MCF2L: variants seen among roughly 807,000 people sequenced by gnomAD.
MCF2L encodes MCF.2 cell line derived transforming sequence like.
Under a neutral mutation model 153.4 loss-of-function variants are expected in MCF2L, and 97 were observed. The ratio of observed to expected loss-of-function variants is 0.63; its 90% CI spans 0.54 to 0.75. MCF2L has a LOEUF of 0.75. Ranked by LOEUF, MCF2L falls within the 30% of genes least tolerant of loss-of-function variation. The probability of loss-of-function intolerance (pLI) is 0.00; values close to 1 mark genes in which losing one functional copy is unlikely to be tolerated. For missense variants in MCF2L, 1,347 were observed against 1,495.2 expected, an observed-to-expected ratio of 0.90 and a Z score of 1.64; for synonymous variants, 659 against 632.2, an observed-to-expected ratio of 1.04 and a Z score of -0.64.
chr13:113,050,255 T>C (rs1012412449), intron 4 of MCF2L, among the ~76,000 whole-genome samples: 1 of 139,874 alleles, frequency 7.1e-6, no homozygotes, highest in Non-Finnish European at 1.5e-5. Context: ...CGAGTGGGAG[T>C]GTAAGTGAAT....
At chr13:113,050,276 CTG>C (rs1555375352) in intron 4 of MCF2L, among the ~76,000 whole-genome samples, 3 of 149,392 alleles carry the variant, frequency 2.0e-5, no homozygotes, top group East Asian at 2.0e-4. Context: ...GTGTGTGAGA[CTG>C]TGAGTGTGAG....
intron 1 of MCF2L, among the ~76,000 whole-genome samples, chr13:113,010,688 T>A (rs2084036200): frequency 6.6e-6 from 1 of 151,602 alleles, no homozygotes; most frequent in Non-Finnish European, 1.5e-5. Context: ...GGGCCTCAGA[T>A]GTGAGGCCCT....
In MCF2L at chr13:113,076,019, C is replaced by A. The variant is rs1424591032; in HGVS notation, c.1362C>A (p.Asp454Glu). The A allele has an allele frequency of 1.9e-6, 3 of 1,613,720 alleles. No homozygotes were observed. The highest frequency in any genetic ancestry group is 2.5e-6 in the Non-Finnish European group (3 of 1,179,908). Residue 454 changes from aspartate to glutamate, a missense_variant, in exon 12 of 30, where the codon GAC (aspartate) becomes GAA (glutamate). By Grantham distance (45) the Asp-to-Glu change is conservative (BLOSUM62 2). Transcript: ENST00000535094. Reference sequence around the variant, plus strand: ...ACCTGCTGGCCTCACAACCTGTGGACAAGTGCCAGTCCCAGGACGGCGCGG... The same window carrying A: ...ACCTGCTGGCCTCACAACCTGTGGAAAAGTGCCAGTCCCAGGACGGCGCGG... ...GIYLLASQPV[D>E]KCQSQDGAEA... is the part of the protein sequence containing the mutation.
intron 27 of MCF2L, chr13:113,095,741 C>T (rs1001762395): frequency 3.0e-5 from 30 of 995,454 alleles, no homozygotes; most frequent in East Asian, 1.1e-4. Context: ...GCCCACCACA[C>T]GCAGCACCAG....
upstream of MCF2L, among the ~76,000 whole-genome samples, chr13:112,966,747 G>A (rs149359178): frequency 1.1e-4 from 16 of 152,364 alleles, no homozygotes; most frequent in Admixed American, 2.0e-4. This position sits in a 1 kb window ranked among gnomAD's most constrained non-coding sequence, Gnocchi z 4.1. Flanking sequence ...TCGGAGAAGC[G>A]GGACAGGCCA....
chr13:112,990,971 C>T (rs1168195107), intron 1 of MCF2L, among the ~76,000 whole-genome samples: 2 of 152,266 alleles, frequency 1.3e-5, no homozygotes, highest in Non-Finnish European at 2.9e-5. Context: ...TGACAGTAAA[C>T]TAGGTGTTTG....
Position 113,086,019 on chromosome 13 carries a change from G to A in MCF2L, c.2248-105G>A, listed in dbSNP as rs553804410. ...GGGCAGCTCCCCACAGACCAGGGGA[G>A]GGTGAGCAGCATCCCTACCTCGTGC... On this transcript the variant is annotated intron_variant, in intron 20 of 29. Transcript: ENST00000535094. 25 of 1,243,130 alleles carry A rather than the reference G, an allele frequency of 2.0e-5. No homozygotes were observed. In the African/African-American group the frequency reaches 3.7e-4, roughly 19 times the overall value. 77.0% of individuals were successfully genotyped at this position (1,243,130 alleles called of 1,614,324 possible).
chr13:113,006,309 A>T (rs1209172227), intron 1 of MCF2L, among the ~76,000 whole-genome samples: 1 of 152,204 alleles, frequency 6.6e-6, no homozygotes, highest in Non-Finnish European at 1.5e-5. Flanking sequence ...GCTGAGCCTG[A>T]CCTTGAATTC....
Position 113,064,693 on chromosome 13 carries a change from G to A in MCF2L, c.607-243G>A, listed in dbSNP as rs549701605. On this transcript the variant is annotated intron_variant, in intron 6 of 29. Coordinates refer to ENST00000535094, the MANE Select transcript of MCF2L (RefSeq NM_001112732.3). This position sits in a 1 kb window ranked among gnomAD's most constrained non-coding sequence, Gnocchi z 6.0. The stretch of plus-strand genomic sequence containing the variant: ...GTTTGCAACACTCACTGCTCTCAAC[G>A]GGGAGAGGCAGCGCAGGCACAGGCG... 2.0e-5 allele frequency: 12 copies of A among 594,784 alleles called. No homozygotes were observed. Among genetic ancestry groups the A allele is most frequent in the East Asian group, 1.1e-4 (4 of 35,810 alleles). 36.8% of individuals were successfully genotyped at this position (594,784 alleles called of 1,614,324 possible).
rs762430146 is a variant in MCF2L, at chr13:113,088,626, C to A, written c.2832C>A (p.Thr944=). The change falls in exon 25 of 30, where the codon ACC becomes ACA. Residue 944 remains threonine (T), a splice_region_variant and synonymous_variant. Transcript: ENST00000535094. The stretch of plus-strand genomic sequence containing the variant: ...TGCCCCTGCCGGCCCCGACCAGCAC[C>A]AGGTGAGAATGGACACGCTGCCGCA... ...QSLPLPAPTS[T]SPSRGNSRNI... 6.2e-7 allele frequency: 1 copy of A among 1,606,742 alleles called. No homozygotes were observed. The highest frequency in any genetic ancestry group is 2.2e-5 in the East Asian group (1 of 44,858).
rs534147586 is a variant in MCF2L, at chr13:112,971,079, C to A, written c.79+1621C>A. On this transcript the variant is annotated intron_variant, in intron 1 of 29. Coordinates refer to ENST00000535094, the MANE Select transcript of MCF2L (RefSeq NM_001112732.3). ...CACTGGCCTCTTCCTTCAGCACAAA[C>A]CCATTTTCTGCTCACGCTGTGTGAG... is the stretch of plus-strand genomic sequence containing the variant. Among the ~76,000 whole-genome samples the A allele has an allele frequency of 1.6e-3, 245 of 152,298 alleles. 1 individual carries two copies. The highest frequency in any genetic ancestry group is 7.3e-3 in the South Asian group (35 of 4,816).
intron 1 of MCF2L, among the ~76,000 whole-genome samples, chr13:112,987,692 C>T (rs2082705555): frequency 6.6e-6 from 1 of 152,212 alleles, no homozygotes; most frequent in Non-Finnish European, 1.5e-5. Context: ...GAGGGTTGGG[C>T]GTTGGGCTCC....
At chr13:112,905,706 G>A (rs1477706770) in intron 2 of MCF2L, among the ~76,000 whole-genome samples, 1 of 152,204 alleles carries the variant, frequency 6.6e-6, no homozygotes, top group Non-Finnish European at 1.5e-5. Context: ...GTTGTACCGT[G>A]TGACACAATT....
intron 2 of MCF2L, among the ~76,000 whole-genome samples, chr13:112,924,821 C>T (rs573624827): frequency 1.5e-3 from 230 of 152,262 alleles, no homozygotes; most frequent in Middle Eastern, 3.4e-3. Flanking sequence ...GCTGCCCAGA[C>T]GTTAAAATTT....
chr13:112,979,244 G>C (rs1224467602), intron 1 of MCF2L: 7 of 927,686 alleles, frequency 7.5e-6, no homozygotes, highest in Non-Finnish European at 7.8e-6. Context: ...GGTGTTTTTG[G>C]CTTGCTCCAT....
In MCF2L at chr13:113,090,217, CGT is replaced by C. The variant is rs1156668928; in HGVS notation, c.2953+495_2953+496del. The C allele has an allele frequency of 8.2e-6, 12 of 1,455,200 alleles. No homozygotes were observed. In the East Asian group the frequency reaches 3.6e-4, roughly 43 times the overall value. 90.1% of individuals were successfully genotyped at this position (1,455,200 alleles called of 1,614,324 possible). A position where few individuals can be genotyped will look rare whatever the true frequency, so the allele number is the denominator to read the frequency against. On this transcript the variant is annotated intron_variant, in intron 26 of 29. Coordinates refer to ENST00000535094, the MANE Select transcript of MCF2L (RefSeq NM_001112732.3). Reference sequence around the variant, plus strand: ...CACCGTGGTGGCGTCTGTCATGCATCGTGTGTGACCATTCGTGCCTCCTTCGT... The same window carrying C: ...CACCGTGGTGGCGTCTGTCATGCATCGTGTGACCATTCGTGCCTCCTTCGT...
intron 2 of MCF2L, among the ~76,000 whole-genome samples, chr13:112,944,566 G>A (rs1451643085): frequency 1.8e-5 from 2 of 114,020 alleles, no homozygotes; most frequent in East Asian, 5.8e-4. Flanking sequence ...CGCTAAACCT[G>A]AACTTTTTTT....
intron 2 of MCF2L, among the ~76,000 whole-genome samples, chr13:112,930,688 GCA>G (rs1352884692): frequency 6.6e-6 from 1 of 152,216 alleles, no homozygotes; most frequent in Non-Finnish European, 1.5e-5. Flanking sequence ...TATAATCCCA[GCA>G]CTGTGGGAGG....
intron 3 of MCF2L, among the ~76,000 whole-genome samples, chr13:113,029,057 G>A (rs2085485012): frequency 6.6e-6 from 1 of 152,140 alleles, no homozygotes; most frequent in South Asian, 2.1e-4. Flanking sequence ...TCCCAGGTAG[G>A]TCTCATCAGT....
Sources: gnomAD v4.1 joint callset for allele counts (sites outside exome capture counted in the v4.1 genomes callset) on GRCh38, gnomAD v4.1.1 for gene constraint, Gnocchi (gnomAD v3.1) non-coding constraint, MANE v1.5 for transcripts, NCBI Gene and HGNC (gene_info 2026-07-23, HGNC 2026-07-21) for gene names.